The following NIPAL2 variants were observed in gnomAD, a reference collection of about 807,000 sequenced individuals.
NIPAL2 encodes NIPA like domain containing 2.
In NIPAL2, 43 loss-of-function variants were observed where a neutral mutation model predicts 48.9. The observed-to-expected ratio is 0.88, with a 90% CI of 0.69 to 1.13. NIPAL2 has a LOEUF of 1.13. NIPAL2 is among the 50% of genes most tolerant of loss of function. The probability of loss-of-function intolerance (pLI) is 0.00; values close to 1 mark genes in which losing one functional copy is unlikely to be tolerated. For synonymous variants in NIPAL2, 167 were observed against 174.6 expected, an observed-to-expected ratio of 0.96 and a Z score of 0.34; for missense variants, 446 against 461.4, an observed-to-expected ratio of 0.97 and a Z score of 0.31.
chr8:98,252,505 G>C lies in NIPAL2; in HGVS notation c.334C>G (p.Pro112Ala), dbSNP rs751974757. 6.2e-7 allele frequency: 1 copy of C among 1,613,996 alleles called. No individual in the cohort carries two copies. Among genetic ancestry groups the C allele is most frequent in the Admixed American group, 1.7e-5 (1 of 59,988 alleles). ...CCTAACGGAGCGATCAGAGTAATGGGAGCAAATCCATAGGCTGCAAAGTTC... is the reference window on the plus strand; with the variant it reads ...CCTAACGGAGCGATCAGAGTAATGGCAGCAAATCCATAGGCTGCAAAGTTC... ...TGNFAAYGFAPITLIAPLGCV... is the reference protein window; with the variant it reads ...TGNFAAYGFAAITLIAPLGCV... Residue 112 changes from proline (P) to alanine (A), a missense_variant, in exon 3 of 11, where the codon CCC (proline) becomes GCC (alanine). Pro to Ala is a conservative substitution (Grantham distance 27, BLOSUM62 -1). Transcript: ENST00000430223.
chr8:98,197,579 T>C (rs1304014987), intron 8 of NIPAL2, among the ~76,000 whole-genome samples: 3 of 152,272 alleles, frequency 2.0e-5, no homozygotes, highest in African/African-American at 7.2e-5. Flanking sequence ...AGAAATTCTT[T>C]CAAAATCTCT....
intron 5 of NIPAL2, among the ~76,000 whole-genome samples, chr8:98,219,408 A>T (rs766709656): frequency 6.6e-6 from 1 of 152,206 alleles, no homozygotes; most frequent in Non-Finnish European, 1.5e-5. Flanking sequence ...GGCATGGATT[A>T]GTCAGAGAGG....
chr8:98,261,346 T>G (rs1814317217), intron 1 of NIPAL2, among the ~76,000 whole-genome samples: 1 of 129,856 alleles, frequency 7.7e-6, no homozygotes, highest in Non-Finnish European at 1.6e-5. Context: ...CGGGAGGACA[T>G]TCAAACCAAA....
chr8:98,215,271 T>C (rs540634744), intron 5 of NIPAL2, among the ~76,000 whole-genome samples: 10 of 152,378 alleles, frequency 6.6e-5, no homozygotes, highest in Admixed American at 3.3e-4. Flanking sequence ...ACAGAATAAC[T>C]ATAGTTGCCC....
chr8:98,268,655 C>A (rs865823444), intron 1 of NIPAL2, among the ~76,000 whole-genome samples: 15 of 150,446 alleles, frequency 1.0e-4, no homozygotes, highest in South Asian at 6.4e-4. Flanking sequence ...AAGAAAAAAA[C>A]CCCACAAAAT....
intron 4 of NIPAL2, among the ~76,000 whole-genome samples, chr8:98,227,092 G>A (rs908733274): frequency 2.6e-5 from 4 of 152,082 alleles, no homozygotes; most frequent in African/African-American, 9.7e-5. Context: ...AAGGCCCAAA[G>A]GCTCTTCAGT....
rs113252932 is a variant in NIPAL2, at chr8:98,238,608, CTT to C, written c.377-2396_377-2395del. Among the ~76,000 whole-genome samples the C allele has an allele frequency of 3.4e-3, 489 of 143,468 alleles. 1 individual carries two copies. Among genetic ancestry groups the C allele is most frequent in the African/African-American group, 0.011 (443 of 39,342 alleles). 94.1% of individuals were successfully genotyped at this position (143,468 alleles called of 152,430 possible). On this transcript the variant is annotated intron_variant, in intron 3 of 10. Coordinates refer to ENST00000430223, the MANE Select transcript of NIPAL2 (RefSeq NM_001321635.2). ...GATAAGATGAGATGCTATTTGTTTC[CTT>C]TTTTTTTTTTTCCTCAACTTAGCTT... is the stretch of plus-strand genomic sequence containing the variant.
intron 1 of NIPAL2, among the ~76,000 whole-genome samples, chr8:98,264,064 T>G (rs921095917): frequency 6.6e-6 from 1 of 151,868 alleles, no homozygotes; most frequent in African/African-American, 2.4e-5. Flanking sequence ...GAAAAAGCCT[T>G]TGACAAAATT....
At chr8:98,285,069 A>T (rs1802440039) in intron 1 of NIPAL2, among the ~76,000 whole-genome samples, 2 of 152,168 alleles carry the variant, frequency 1.3e-5, no homozygotes, top group Admixed American at 1.3e-4. Context: ...CAGAAATTAA[A>T]CCTATAATCT....
intron 5 of NIPAL2, among the ~76,000 whole-genome samples, chr8:98,214,214 A>G (rs1240097443): frequency 1.4e-5 from 2 of 147,564 alleles, no homozygotes; most frequent in Non-Finnish European, 3.0e-5. Flanking sequence ...CCCAGGCTGG[A>G]GTGTAATGGC....
At chr8:98,218,395 G>T (rs1270315136) in intron 5 of NIPAL2, among the ~76,000 whole-genome samples, 1 of 152,194 alleles carries the variant, frequency 6.6e-6, no homozygotes, top group Non-Finnish European at 1.5e-5. Flanking sequence ...GATAATTAAA[G>T]AACTGAGTGT....
At chr8:98,233,269 A>C (rs1812535084) in intron 4 of NIPAL2, among the ~76,000 whole-genome samples, 1 of 152,106 alleles carries the variant, frequency 6.6e-6, no homozygotes, top group East Asian at 1.9e-4. Context: ...AAAGAAAAAA[A>C]AAAGGTGAGG....
At chr8:98,266,216 G>T (rs1414335200) in intron 1 of NIPAL2, among the ~76,000 whole-genome samples, 1 of 150,730 alleles carries the variant, frequency 6.6e-6, no homozygotes, top group Admixed American at 6.6e-5. Flanking sequence ...GCACCAGCAT[G>T]GCACATGTAT....
chr8:98,285,102 TCA>T, intron 1 of NIPAL2, among the ~76,000 whole-genome samples: 1 of 152,182 alleles, frequency 6.6e-6, no homozygotes, highest in South Asian at 2.1e-4. Flanking sequence ...AGAGTACTGT[TCA>T]GGTCCCACCA....
intron 8 of NIPAL2, among the ~76,000 whole-genome samples, chr8:98,196,249 CAT>C (rs1810540833): frequency 1.3e-5 from 2 of 152,260 alleles, no homozygotes; most frequent in African/African-American, 4.8e-5. Context: ...ACATAATTGA[CAT>C]ATATTTGCAA....
intron 1 of NIPAL2, among the ~76,000 whole-genome samples, chr8:98,256,375 C>T (rs1290541443): frequency 6.6e-6 from 1 of 152,028 alleles, no homozygotes; most frequent in Non-Finnish European, 1.5e-5. Flanking sequence ...TGAAAGGCAA[C>T]CCATGGAATG....
At position 98,193,061 on chromosome 8, in the gene NIPAL2, C is replaced by G. The variant is rs146315832; in HGVS notation, c.1069G>C (p.Asp357His). ...GKQMLDKIQPDSHSLSYGTLP... is the reference protein window; with the variant it reads ...GKQMLDKIQPHSHSLSYGTLP... Reference sequence around the variant, plus strand: ...GTTCCATAGGATAAGCTATGTGAATCTGGTTGTATTTTGTCCAACATTTGT... The same window carrying G: ...GTTCCATAGGATAAGCTATGTGAATGTGGTTGTATTTTGTCCAACATTTGT... The change falls in exon 11 of 11, where the codon GAT (aspartate) becomes CAT (histidine). Residue 357 changes from aspartate (D) to histidine (H), a missense_variant. By Grantham distance (81) the Asp-to-His change is moderately conservative. Transcript: ENST00000430223. 100 of 1,614,016 alleles carry G rather than the reference C, an allele frequency of 6.2e-5. 1 individual carries two copies. In the African/African-American group the frequency reaches 1.1e-3, roughly 17 times the overall value.
At chr8:98,195,820 A>G in intron 9 of NIPAL2, 122 bp downstream of exon 9, 3 of 639,090 alleles carry the variant, frequency 4.7e-6, no homozygotes, top group Non-Finnish European at 8.1e-6. Flanking sequence ...TTCTTTTAGG[A>G]GCTCAGGAAA....
chr8:98,233,180 C>T (rs1048453568), intron 4 of NIPAL2, among the ~76,000 whole-genome samples: 2 of 151,854 alleles, frequency 1.3e-5, no homozygotes, highest in African/African-American at 4.8e-5. Flanking sequence ...ATTGCTTGAA[C>T]CTAGGAGGTG....
Sources: gnomAD v4.1 joint callset for allele counts (sites outside exome capture counted in the v4.1 genomes callset) on GRCh38, gnomAD v4.1.1 for gene constraint, MANE v1.5 for transcripts, NCBI Gene and HGNC (gene_info 2026-07-23, HGNC 2026-07-21) for gene names.